Variants in CERT1 observed in about 807,000 individuals in gnomAD.
CERT1 encodes the protein ceramide transfer protein.
Under a neutral mutation model 87.9 loss-of-function variants are expected in CERT1, and 31 were observed. That is an observed-to-expected ratio of 0.35 (90% CI 0.27 to 0.48). CERT1 has a LOEUF of 0.48. CERT1 is among the 20% of genes least tolerant of loss of function. The probability of loss-of-function intolerance (pLI) is 0.99; values close to 1 mark genes in which losing one functional copy is unlikely to be tolerated. For missense variants in CERT1, 487 were observed against 758.0 expected (o/e 0.64, Z 4.20); for synonymous variants, 289 against 250.9 (o/e 1.15, Z -1.44).
chr5:75,411,253 G>C, intron 7 of CERT1, 150 bp from the exon 8 acceptor site: 1 of 574,322 alleles, frequency 1.7e-6, no homozygotes, highest in Non-Finnish European at 3.1e-6. Flanking sequence ...GTATTATTCT[G>C]CCCAAGAAAA....
rs1029873565 is a variant in CERT1 at position 75,384,814 on chromosome 5, G to T, written c.1418-102C>A. 1.1e-5 allele frequency: 8 copies of T among 733,112 alleles called. No individual in the cohort carries two copies. The African/African-American group carries it at 1.2e-4, about 11-fold the overall frequency. 45.4% of individuals were successfully genotyped at this position (733,112 alleles called of 1,614,324 possible). On this transcript the variant is annotated intron_variant, in intron 13 of 16. Transcript: ENST00000643780. ...GTACGAATGGACAGTATGGTAAATT[G>T]AACAGGATCCTGCCCTATCTAGGTT...
chr5:75,377,262 T>C (rs1761357397), downstream of CERT1: 2 of 152,244 alleles, frequency 1.3e-5, no homozygotes, highest in South Asian at 4.1e-4. Flanking sequence ...TATGAAAAAC[T>C]GTGGGACACA....
chr5:75,416,695 A>G (rs1763146674), intron 7 of CERT1, among the ~76,000 whole-genome samples, 181 bp downstream of exon 7: 1 of 152,174 alleles, frequency 6.6e-6, no homozygotes, highest in African/African-American at 2.4e-5. Context: ...TAAACAAGTA[A>G]TTGGTGAATC....
At chr5:75,410,380 C>A (rs1246376631) in intron 8 of CERT1, among the ~76,000 whole-genome samples, 1 of 151,930 alleles carries the variant, frequency 6.6e-6, no homozygotes, top group Non-Finnish European at 1.5e-5. Context: ...GAGGCTGAGG[C>A]GGGCGGATCA....
Position 75,511,539 on chromosome 5 carries a change from GA to G in CERT1, c.-333del. ...CAATTTCAAATAGGGAAGGAAAAGG[GA>G]AAAGAAGGGAAGAGAAAATCCGGCC... On this transcript the variant is annotated 5_prime_UTR_variant, in exon 1 of 17. Transcript: ENST00000643780. 6.8e-7 allele frequency: 1 copy of G among 1,459,922 alleles called. No homozygotes were observed. The allele number at this position is 1,459,922 out of a possible 1,614,324, so 90.4% of individuals were successfully genotyped here.
chr5:75,449,412 G>A (rs1016922928), intron 3 of CERT1, among the ~76,000 whole-genome samples: 2 of 152,172 alleles, frequency 1.3e-5, no homozygotes, highest in Non-Finnish European at 2.9e-5. Flanking sequence ...TGCCTTGCAG[G>A]TAGCGTATTC....
chr5:75,381,217 A>G lies in CERT1; in HGVS notation c.1618-16T>C. ...GGTTGTTTAGCTGCCAAAACAAAAA[A>G]CAAAGCATCAGTAGATACCCAGTAT... On this transcript the variant is annotated splice_polypyrimidine_tract_variant and intron_variant, in intron 15 of 16. Transcript: ENST00000643780. 6.2e-7 allele frequency: 1 copy of G among 1,614,050 alleles called. No homozygotes were observed. Among genetic ancestry groups the G allele is most frequent in the Non-Finnish European group, 8.5e-7 (1 of 1,179,960 alleles).
At chr5:75,511,939 T>A (rs1768040870), upstream of CERT1, 1 of 993,706 alleles carries the variant, frequency 1.0e-6, no homozygotes, top group Non-Finnish European at 1.5e-6. Flanking sequence ...CGGGGATCGC[T>A]TGTCCCCTTG....
chr5:75,489,894 T>C (rs892922212), intron 2 of CERT1, among the ~76,000 whole-genome samples: 3 of 152,228 alleles, frequency 2.0e-5, no homozygotes, highest in African/African-American at 7.2e-5. Context: ...CAAATCACTC[T>C]TCTATAAAGA....
intron 11 of CERT1, among the ~76,000 whole-genome samples, chr5:75,391,123 TCCAG>T (rs1178078708): frequency 6.6e-6 from 1 of 152,154 alleles, no homozygotes; most frequent in Non-Finnish European, 1.5e-5. Context: ...CACCACCACA[TCCAG>T]TTAATTTTTT....
upstream of CERT1, chr5:75,511,642 C>G: frequency 6.6e-7 from 1 of 1,503,798 alleles, no homozygotes; most frequent in Non-Finnish European, 8.9e-7. Flanking sequence ...CCTCCCCTCC[C>G]CTGTCCTTTC....
At chr5:75,461,886 G>A (rs1250508302) in intron 2 of CERT1, among the ~76,000 whole-genome samples, 2 of 150,302 alleles carry the variant, frequency 1.3e-5, no homozygotes, top group African/African-American at 4.9e-5. Context: ...ATTTGGTTAA[G>A]AGGATGTATT....
At chr5:75,506,874 T>C (rs1381289376) in intron 1 of CERT1, among the ~76,000 whole-genome samples, 1 of 152,166 alleles carries the variant, frequency 6.6e-6, no homozygotes, top group East Asian at 1.9e-4. Flanking sequence ...TGCTGCAAAG[T>C]GAAGATCACA....
chr5:75,480,098 C>A lies in CERT1; in HGVS notation c.232-20917G>T, dbSNP rs141452287. On this transcript the variant is annotated intron_variant, in intron 2 of 16. Coordinates refer to ENST00000643780, the MANE Select transcript of CERT1 (RefSeq NM_001379029.1). ...ACTACAAAGAAGAAAAACTAGACAA[C>A]CCCTTGGCCCTTTGCTGGATTCTTG... 9.2e-5 allele frequency among the ~76,000 whole-genome samples: 14 copies of A among 152,262 alleles called. No homozygotes were observed. The East Asian group carries it at 2.7e-3, about 29-fold the overall frequency.
chr5:75,459,962 C>CAAAAAA (rs753591061), intron 2 of CERT1, among the ~76,000 whole-genome samples: 1 of 25,532 alleles, frequency 3.9e-5, no homozygotes, highest in African/African-American at 1.4e-4. Context: ...TCCTCCGTCT[C>CAAAAAA]AAAAAAAAAA....
intron 6 of CERT1, among the ~76,000 whole-genome samples, chr5:75,417,545 A>G (rs571237909): frequency 6.6e-6 from 1 of 152,358 alleles, no homozygotes; most frequent in East Asian, 1.9e-4. Context: ...TAGCTTTTGA[A>G]TTAAACAAAA....
chr5:75,411,653 T>C (rs1178605482), intron 7 of CERT1, among the ~76,000 whole-genome samples: 1 of 152,074 alleles, frequency 6.6e-6, no homozygotes, highest in Non-Finnish European at 1.5e-5. Flanking sequence ...ACCTTAAAAG[T>C]AGGTTATGTG....
chr5:75,400,362 T>A lies in CERT1; in HGVS notation c.1018-65A>T. On this transcript the variant is annotated intron_variant, in intron 9 of 16. Transcript: ENST00000643780. ...GTGTATTTTGTAACTCAAGAATGGATAATATAACCTGGAACTACCAACATT... is the reference window on the plus strand; with the variant it reads ...GTGTATTTTGTAACTCAAGAATGGAAAATATAACCTGGAACTACCAACATT... 2.7e-6 allele frequency: 3 copies of A among 1,116,330 alleles called. No homozygotes were observed. In the East Asian group the frequency reaches 7.6e-5, roughly 28 times the overall value. 69.2% of individuals were successfully genotyped at this position (1,116,330 alleles called of 1,614,324 possible).
At chr5:75,493,607 A>C (rs1243206375) in intron 2 of CERT1, among the ~76,000 whole-genome samples, 1 of 152,208 alleles carries the variant, frequency 6.6e-6, no homozygotes, top group South Asian at 2.1e-4. Context: ...TCTTCTTCCC[A>C]GTGGTCTGGC....
Sources: allele counts gnomAD v4.1 joint callset (sites outside exome capture counted in the v4.1 genomes callset), GRCh38; gene constraint gnomAD v4.1.1; transcripts MANE v1.5; gene names NCBI Gene and HGNC (gene_info 2026-07-23, HGNC 2026-07-21).